The following PRKAR2B variants were observed in gnomAD, a reference collection of about 807,000 sequenced individuals.
The protein encoded by PRKAR2B is cAMP-dependent protein kinase type II-beta regulatory subunit.
In PRKAR2B, 14 loss-of-function variants were observed where a neutral mutation model predicts 49.9. That is an observed-to-expected ratio of 0.28 (90% confidence interval 0.19 to 0.44). The LOEUF (loss-of-function observed/expected upper bound fraction) is 0.44, where lower values mean the gene tolerates loss of function less well. Among genes scored for constraint, PRKAR2B ranks in the 20% least tolerant of loss-of-function variants. The pLI, the probability that PRKAR2B is intolerant of heterozygous loss-of-function variation, is 1.00. For missense variants in PRKAR2B, 393 were observed against 537.9 expected (o/e 0.73, Z 2.67); for synonymous variants, 196 against 197.7 (o/e 0.99, Z 0.07).
chr7:107,107,182 C>T (rs1286232362), intron 2 of PRKAR2B, among the ~76,000 whole-genome samples: 2 of 152,050 alleles, frequency 1.3e-5, no homozygotes, highest in African/African-American at 2.4e-5. Flanking sequence ...ACTAAACATA[C>T]AAAAATTAGC....
At chr7:107,133,053 TG>T (rs1426220616) in intron 4 of PRKAR2B, among the ~76,000 whole-genome samples, 1 of 152,212 alleles carries the variant, frequency 6.6e-6, no homozygotes, top group Non-Finnish European at 1.5e-5. Context: ...ATTTCTTAAG[TG>T]AGTCAGAGCC....
At position 107,146,426 on chromosome 7, in the gene PRKAR2B, A is replaced by G. The variant is rs1178801826; in HGVS notation, c.706A>G (p.Ile236Val). 3 of 1,614,078 alleles carry G rather than the reference A, an allele frequency of 1.9e-6. No homozygotes were observed. The highest frequency in any genetic ancestry group is 2.2e-5 in the East Asian group (1 of 44,900). Reference protein sequence around the residue: ...LMYNTPRAATITATSPGALWG... With the variant: ...LMYNTPRAATVTATSPGALWG... ...GTACAATACACCCAGAGCAGCTACA[A>G]TCACTGCTACCTCTCCTGGTGCTCT... Residue 236 changes from isoleucine (I) to valine (V), a missense_variant, in exon 6 of 11, where the codon ATC becomes GTC. Transcript: ENST00000265717.
intron 2 of PRKAR2B, among the ~76,000 whole-genome samples, chr7:107,090,274 C>CT (rs1463592801): frequency 6.6e-6 from 1 of 152,164 alleles, no homozygotes; most frequent in African/African-American, 2.4e-5. Flanking sequence ...TTGCGGCCAG[C>CT]TACTTGCTCC....
At position 107,157,258 on chromosome 7, in the gene PRKAR2B, C is replaced by A; in HGVS notation, c.1057C>A (p.Leu353Ile). ...RCSRGQYFGE[L>I]ALVTNKPRAA... is the part of the protein sequence containing the mutation. ...CTCGCGGGGACAGTACTTTGGAGAG[C>A]TTGCCCTGGTAACTAACAAACCTCG... is the stretch of plus-strand genomic sequence containing the variant. The change falls in exon 10 of 11, where the codon CTT (leucine) becomes ATT (isoleucine). Residue 353 changes from leucine to isoleucine, a missense_variant. By Grantham distance (5) the Leu-to-Ile change is conservative. Transcript: ENST00000265717. The A allele has an allele frequency of 6.2e-7, 1 of 1,614,184 alleles. No individual in the cohort carries two copies. The highest frequency in any genetic ancestry group is 8.5e-7 in the Non-Finnish European group (1 of 1,180,046).
intron 1 of PRKAR2B, among the ~76,000 whole-genome samples, chr7:107,056,982 A>G (rs1371224962): frequency 6.6e-6 from 1 of 152,162 alleles, no homozygotes; most frequent in Non-Finnish European, 1.5e-5. Context: ...CCCACAAACC[A>G]CTAATGCTGT....
chr7:107,128,346 A>G, intron 4 of PRKAR2B, 51 bp downstream of exon 4: 4 of 1,384,168 alleles, frequency 2.9e-6, no homozygotes, highest in Non-Finnish European at 4.1e-6. Flanking sequence ...CCCCAGTGAC[A>G]GTGTCAAGAA....
chr7:107,100,231 G>A (rs953268336), intron 2 of PRKAR2B, among the ~76,000 whole-genome samples: 5 of 152,178 alleles, frequency 3.3e-5, no homozygotes, highest in Non-Finnish European at 7.4e-5. Context: ...CTGGACATGA[G>A]TTCATTTCAC....
At chr7:107,070,201 G>T in intron 1 of PRKAR2B, 80 bp from the exon 2 acceptor site, 6 of 1,001,900 alleles carry the variant, frequency 6.0e-6, no homozygotes, top group South Asian at 1.6e-5. Context: ...TTATAAGATG[G>T]TTTACCAATT....
At chr7:107,079,695 C>CCCTT (rs1240232461) in intron 2 of PRKAR2B, among the ~76,000 whole-genome samples, 4 of 152,146 alleles carry the variant, frequency 2.6e-5, no homozygotes, top group African/African-American at 9.7e-5. Flanking sequence ...CTCCCTCCCT[C>CCCTT]CCTTCCTTCC....
chr7:107,141,097 G>C (rs757020633), intron 5 of PRKAR2B, 144 bp downstream of exon 5: 58 of 547,628 alleles, frequency 1.1e-4, no homozygotes, highest in Non-Finnish European at 1.6e-4. Flanking sequence ...CTGTAAACCT[G>C]TTGTGAGTAC....
chr7:107,114,378 T>TGTGTGTG (rs1795231978), intron 2 of PRKAR2B, among the ~76,000 whole-genome samples: 1 of 104,758 alleles, frequency 9.5e-6, no homozygotes. Flanking sequence ...GTGTGTGTGT[T>TGTGTGTG]TGAGACTAAG....
At position 107,070,323 on chromosome 7, in the gene PRKAR2B, C is replaced by A; in HGVS notation, c.343+7C>A. ...TTCACAAGGCGTGCCTCAGGTAAGTCTGATTATATTATGGATTTTGTTTAT... is the reference window on the plus strand; with the variant it reads ...TTCACAAGGCGTGCCTCAGGTAAGTATGATTATATTATGGATTTTGTTTAT... On this transcript the variant is annotated splice_region_variant and intron_variant, in intron 2 of 10. Coordinates refer to ENST00000265717, the MANE Select transcript of PRKAR2B (RefSeq NM_002736.3). 1.3e-6 allele frequency: 2 copies of A among 1,597,184 alleles called. No homozygotes were observed. The highest frequency in any genetic ancestry group is 1.1e-5 in the South Asian group (1 of 89,978).
At chr7:107,047,823 T>C (rs1562838701) in intron 1 of PRKAR2B, among the ~76,000 whole-genome samples, 1 of 152,200 alleles carries the variant, frequency 6.6e-6, no homozygotes, top group Non-Finnish European at 1.5e-5. Context: ...TGGAGAGCTT[T>C]TTTAAATAGG....
At chr7:107,157,370 T>C in intron 10 of PRKAR2B, 46 bp downstream of exon 10, 1 of 1,574,858 alleles carries the variant, frequency 6.3e-7, no homozygotes, top group Non-Finnish European at 8.6e-7. Context: ...TGAACTTATG[T>C]CTGCATTTTA....
At chr7:107,053,647 A>C (rs1356936911) in intron 1 of PRKAR2B, among the ~76,000 whole-genome samples, 2 of 152,070 alleles carry the variant, frequency 1.3e-5, no homozygotes, top group Non-Finnish European at 2.9e-5. Context: ...ATTCTATCTT[A>C]TAAAAAGGAA....
chr7:107,088,438 G>A (rs984527942), intron 2 of PRKAR2B, among the ~76,000 whole-genome samples: 1 of 152,156 alleles, frequency 6.6e-6, no homozygotes, highest in Admixed American at 6.5e-5. Context: ...AGGAGATGTT[G>A]TGTGTAAAGG....
At chr7:107,087,298 A>G (rs1460110378) in intron 2 of PRKAR2B, among the ~76,000 whole-genome samples, 1 of 152,076 alleles carries the variant, frequency 6.6e-6, no homozygotes, top group Non-Finnish European at 1.5e-5. Flanking sequence ...AAAGTACTAT[A>G]TTAAGGGCAT....
At chr7:107,125,025 G>C (rs1795459124) in intron 3 of PRKAR2B, among the ~76,000 whole-genome samples, 1 of 152,126 alleles carries the variant, frequency 6.6e-6, no homozygotes, top group East Asian at 1.9e-4. Flanking sequence ...TATGACGCTT[G>C]AATTTGAATT....
chr7:107,149,356 T>G (rs189513016), intron 6 of PRKAR2B, among the ~76,000 whole-genome samples: 1 of 152,288 alleles, frequency 6.6e-6, no homozygotes, highest in African/African-American at 2.4e-5. Context: ...TATGACAGAC[T>G]GTTATAGAAT....
Sources: gnomAD v4.1 joint callset for allele counts (sites outside exome capture counted in the v4.1 genomes callset) on GRCh38, gnomAD v4.1.1 for gene constraint, MANE v1.5 for transcripts, NCBI Gene and HGNC (gene_info 2026-07-23, HGNC 2026-07-21) for gene names.